Variants in ERC2 observed in about 807,000 individuals in gnomAD.
ERC2 encodes the protein ELKS/RAB6-interacting/CAST family member 2.
Under a neutral mutation model 114.8 loss-of-function variants are expected in ERC2, and 42 were observed. That is an observed-to-expected ratio of 0.37 (90% CI 0.29 to 0.47). The LOEUF (loss-of-function observed/expected upper bound fraction) is 0.47, where lower values mean the gene tolerates loss of function less well. ERC2 is among the 20% of genes least tolerant of loss of function. ERC2 has a pLI of 0.99. For missense variants in ERC2, 939 were observed against 1,150.7 expected (o/e 0.82, Z 2.66); for synonymous variants, 454 against 425.5 (o/e 1.07, Z -0.82).
chr3:55,817,031 C>A (rs2059927784), intron 14 of ERC2, among the ~76,000 whole-genome samples: 1 of 152,180 alleles, frequency 6.6e-6, no homozygotes, highest in Admixed American at 6.5e-5. Context: ...GCACACGATG[C>A]TTCAAATAAC....
intron 16 of ERC2, among the ~76,000 whole-genome samples, chr3:55,687,513 C>T (rs2062396873): frequency 6.6e-6 from 1 of 152,084 alleles, no homozygotes; most frequent in Non-Finnish European, 1.5e-5. Context: ...GTAGAACCAG[C>T]GAAGTATCAC....
intron 14 of ERC2, among the ~76,000 whole-genome samples, chr3:55,765,334 T>C (rs2067701262): frequency 6.6e-6 from 1 of 152,254 alleles, no homozygotes; most frequent in Non-Finnish European, 1.5e-5. Flanking sequence ...TCTACTTTTC[T>C]TGGCAGATTA....
chr3:56,430,770 C>T (rs1192153270), intron 2 of ERC2, among the ~76,000 whole-genome samples: 2 of 152,164 alleles, frequency 1.3e-5, no homozygotes, highest in Admixed American at 6.5e-5. Flanking sequence ...GCCTAGGTGA[C>T]AGAGTGAAAC....
intron 17 of ERC2, among the ~76,000 whole-genome samples, chr3:55,604,558 G>A (rs1575736681): frequency 6.6e-6 from 1 of 152,094 alleles, no homozygotes; most frequent in Non-Finnish European, 1.5e-5. Context: ...AGCATGGCAC[G>A]GCACTGGGGG....
At chr3:56,277,540 T>C (rs1196885547) in intron 3 of ERC2, among the ~76,000 whole-genome samples, 3 of 152,258 alleles carry the variant, frequency 2.0e-5, no homozygotes, top group Non-Finnish European at 2.9e-5. Flanking sequence ...CCTCATTCTT[T>C]AGGTTCTTAG....
intron 2 of ERC2, among the ~76,000 whole-genome samples, chr3:56,358,990 A>G (rs1442377320): frequency 1.3e-5 from 2 of 152,244 alleles, no homozygotes; most frequent in Non-Finnish European, 2.9e-5. Flanking sequence ...GAGCAATAAA[A>G]TCACTGGGTA....
intron 3 of ERC2, among the ~76,000 whole-genome samples, chr3:56,180,349 T>C (rs1266912374): frequency 3.3e-5 from 5 of 152,198 alleles, no homozygotes; most frequent in Admixed American, 6.5e-5. Context: ...GTCAAAACTC[T>C]GCTTTAGATT....
intron 2 of ERC2, among the ~76,000 whole-genome samples, chr3:56,311,232 TC>T (rs1216920594): frequency 6.0e-4 from 4 of 6,618 alleles, no homozygotes; most frequent in Admixed American, 1.9e-3. Context: ...TCCATCATCT[TC>T]TCTCTCTCTC....
chr3:55,925,270 T>C (rs960389520), intron 13 of ERC2, among the ~76,000 whole-genome samples: 6 of 152,170 alleles, frequency 3.9e-5, no homozygotes, highest in African/African-American at 1.2e-4. Flanking sequence ...TTGCATTCAA[T>C]GGCAGGGTTA....
intron 15 of ERC2, among the ~76,000 whole-genome samples, chr3:55,714,663 GTGTGTATATATATATATA>G (rs1470282129): frequency 0.026 from 2,413 of 91,654 alleles, 45 homozygotes; most frequent in African/African-American, 0.072. Flanking sequence ...GTGTGTGTGT[GTGTGTATATATATATATA>G]TATATATATA....
chr3:55,811,335 T>C (rs1414153404), intron 14 of ERC2, among the ~76,000 whole-genome samples: 1 of 151,660 alleles, frequency 6.6e-6, no homozygotes. Flanking sequence ...TCAAAGAGCT[T>C]TTAGGTACTC....
chr3:55,700,580 CTGT>C (rs928879759), intron 15 of ERC2, among the ~76,000 whole-genome samples: 3 of 152,214 alleles, frequency 2.0e-5, no homozygotes, highest in African/African-American at 7.2e-5. Context: ...ATAGTTACTG[CTGT>C]TGTTGTTTGC....
intron 7 of ERC2, among the ~76,000 whole-genome samples, chr3:56,039,136 T>C (rs2074983318): frequency 6.6e-6 from 1 of 152,128 alleles, no homozygotes; most frequent in South Asian, 2.1e-4. Flanking sequence ...AGGTGATAGA[T>C]TGATAGGTGT....
intron 13 of ERC2, among the ~76,000 whole-genome samples, chr3:55,909,966 T>C (rs1020533856): frequency 2.6e-5 from 4 of 152,348 alleles, no homozygotes; most frequent in Admixed American, 6.5e-5. Context: ...ATTTTGTCCA[T>C]GTGAATACAA....
At chr3:55,600,526 C>T (rs2058353300) in intron 17 of ERC2, among the ~76,000 whole-genome samples, 2 of 152,174 alleles carry the variant, frequency 1.3e-5, no homozygotes, top group African/African-American at 2.4e-5. Context: ...ACTCAAGTCC[C>T]ATTTTTTGTT....
intron 2 of ERC2, among the ~76,000 whole-genome samples, chr3:56,332,054 T>G (rs2057643794): frequency 6.6e-6 from 1 of 151,822 alleles, no homozygotes; most frequent in South Asian, 2.1e-4. Flanking sequence ...GCAGGGAGAG[T>G]GGGGACCTAA....
At chr3:56,263,404 G>T (rs1037146755) in intron 3 of ERC2, among the ~76,000 whole-genome samples, 46 of 149,828 alleles carry the variant, frequency 3.1e-4, no homozygotes, top group African/African-American at 1.1e-3. Context: ...AAAAATAATA[G>T]GAAGAACAGT....
At chr3:56,227,625 C>T (rs1575952567) in intron 3 of ERC2, among the ~76,000 whole-genome samples, 1 of 152,036 alleles carries the variant, frequency 6.6e-6, no homozygotes, top group African/African-American at 2.4e-5. Context: ...TTTCTTGTGC[C>T]TTTGTATTAT....
In ERC2 at chr3:56,461,542, G is replaced by T. The variant is rs530326116; in HGVS notation, c.-141+6706C>A. ...GTGATGCAAGCCACCTCCAACATAT[G>T]CCTGGAAGGAAAGAAAAAGTGGCTA... On this transcript the variant is annotated intron_variant, in intron 1 of 17. Coordinates refer to ENST00000288221, the MANE Select transcript of ERC2 (RefSeq NM_015576.3). 3.3e-5 allele frequency among the ~76,000 whole-genome samples: 5 copies of T among 152,304 alleles called. No homozygotes were observed. The South Asian group carries it at 1.0e-3, about 32-fold the overall frequency.
Sources: gnomAD v4.1 joint callset for allele counts (sites outside exome capture counted in the v4.1 genomes callset) on GRCh38, gnomAD v4.1.1 for gene constraint, MANE v1.5 for transcripts, NCBI Gene and HGNC (gene_info 2026-07-23, HGNC 2026-07-21) for gene names.